Variants in MEIS2 observed in about 807,000 individuals in gnomAD.
MEIS2 encodes the protein Meis homeobox 2, also known as homeobox protein Meis2.
A neutral mutation model predicts 58.6 loss-of-function variants in MEIS2; 9 were observed. The observed-to-expected ratio is 0.15, with a 90% CI of 0.09 to 0.27. The LOEUF (loss-of-function observed/expected upper bound fraction) is 0.27, where lower values mean the gene tolerates loss of function less well. Ranked by LOEUF, MEIS2 falls within the 10% of genes least tolerant of loss-of-function variation. The pLI is 1.00. For synonymous variants in MEIS2, 221 were observed against 228.4 expected, an observed-to-expected ratio of 0.97 and a Z score of 0.29; for missense variants, 427 against 635.0, an observed-to-expected ratio of 0.67 and a Z score of 3.52.
chr15:36,991,352 A>G (rs974252395), intron 8 of MEIS2, among the ~76,000 whole-genome samples: 1 of 151,886 alleles, frequency 6.6e-6, no homozygotes, highest in African/African-American at 2.4e-5. Flanking sequence ...TTCTTTTATC[A>G]TGGGACAGAA....
At chr15:36,893,447 A>C (rs545138403) in intron 11 of MEIS2, among the ~76,000 whole-genome samples, 88 of 152,322 alleles carry the variant, frequency 5.8e-4, no homozygotes, top group African/African-American at 2.0e-3. Flanking sequence ...AAAACCATCT[A>C]AAGACAATAA....
chr15:37,025,120 T>C lies in MEIS2; in HGVS notation c.900+11694A>G, dbSNP rs1461865518. 4.6e-5 allele frequency among the ~76,000 whole-genome samples: 7 copies of C among 152,348 alleles called. No homozygotes were observed. In the South Asian group the frequency reaches 1.2e-3, roughly 27 times the overall value. On this transcript the variant is annotated intron_variant, in intron 8 of 11. Transcript: ENST00000561208. ...AGGGCAAAAGAAACAAGTGCAATAC[T>C]TGTCTTTGAAGAGTGTGTCACTCAC...
At chr15:36,952,500 TC>T (rs1349110902) in intron 8 of MEIS2, among the ~76,000 whole-genome samples, 3 of 152,134 alleles carry the variant, frequency 2.0e-5, no homozygotes, top group Admixed American at 6.6e-5. Context: ...GTGTTTTTGA[TC>T]TTTTTTGTGT....
At chr15:36,941,509 T>C (rs1354048804) in intron 9 of MEIS2, among the ~76,000 whole-genome samples, 1 of 152,218 alleles carries the variant, frequency 6.6e-6, no homozygotes. Context: ...TCTTCTCTTT[T>C]GGAAGAGCGT....
intron 7 of MEIS2, among the ~76,000 whole-genome samples, chr15:37,047,099 G>C (rs1162677564): frequency 6.6e-6 from 1 of 152,102 alleles, no homozygotes; most frequent in Non-Finnish European, 1.5e-5. Context: ...TACAGAGTAT[G>C]TTCTGAAGTT....
In MEIS2 at chr15:36,889,305, G is replaced by A. The variant is rs185174147; in HGVS notation, c.*2868C>T. 3.9e-5 allele frequency: 6 copies of A among 152,174 alleles called. No homozygotes were observed. Among genetic ancestry groups the A allele is most frequent in the Admixed American group, 6.5e-5 (1 of 15,298 alleles). 9.4% of individuals were successfully genotyped at this position (152,174 alleles called of 1,614,324 possible). A position where few individuals can be genotyped will look rare whatever the true frequency, so the allele number is the denominator to read the frequency against. ...CAGTTTCTTTGCTTTTGACAGCTGA[G>A]TCTTTCTTAAATATACCCAAATCGG... On this transcript the variant is annotated 3_prime_UTR_variant, in exon 12 of 12. Transcript: ENST00000561208.
chr15:37,095,786 G>A (rs903522094), intron 3 of MEIS2, 172 bp from the exon 4 acceptor site: 2 of 905,964 alleles, frequency 2.2e-6, no homozygotes, highest in Non-Finnish European at 3.3e-6. Context: ...GAAGAATCAG[G>A]GCATTCTGGT....
intron 8 of MEIS2, among the ~76,000 whole-genome samples, chr15:36,982,722 C>A (rs1006072364): frequency 7.2e-5 from 11 of 152,028 alleles, no homozygotes; most frequent in Admixed American, 3.3e-4. Context: ...TTCTGAGGAA[C>A]CTTCATACTA....
chr15:36,940,238 C>A (rs1042956197), intron 9 of MEIS2, among the ~76,000 whole-genome samples: 14 of 152,054 alleles, frequency 9.2e-5, no homozygotes, highest in African/African-American at 3.4e-4. Flanking sequence ...AATAGTCTTG[C>A]GGGAGGCAAG....
intron 5 of MEIS2, 176 bp from the exon 6 acceptor site, chr15:37,093,906 T>C (rs1035116849): frequency 7.0e-6 from 5 of 713,692 alleles, no homozygotes; most frequent in Non-Finnish European, 1.2e-5. Context: ...AAGGAAACAA[T>C]AGAGTAATTG....
intron 8 of MEIS2, among the ~76,000 whole-genome samples, chr15:37,035,605 C>A (rs2062118381): frequency 6.6e-6 from 1 of 152,178 alleles, no homozygotes; most frequent in African/African-American, 2.4e-5. Context: ...GCAAGAATAA[C>A]CACTACCACA....
chr15:36,906,636 A>G (rs893186258), intron 9 of MEIS2, among the ~76,000 whole-genome samples: 1 of 136,824 alleles, frequency 7.3e-6, no homozygotes, highest in Non-Finnish European at 1.6e-5. Context: ...CTGACAAAGT[A>G]TGTCAGCCAC....
intron 9 of MEIS2, among the ~76,000 whole-genome samples, chr15:36,921,723 G>GA (rs35471860): frequency 0.53 from 77,457 of 145,382 alleles, 22,505 homozygotes; most frequent in Non-Finnish European, 0.66. Flanking sequence ...TGGCATTGTT[G>GA]AAAAAAAAAA....
At chr15:36,951,288 T>C (rs1451598456) in intron 8 of MEIS2, among the ~76,000 whole-genome samples, 1 of 152,142 alleles carries the variant, frequency 6.6e-6, no homozygotes, top group East Asian at 1.9e-4. Context: ...TATACATAAT[T>C]ATGAAATATG....
intron 8 of MEIS2, among the ~76,000 whole-genome samples, chr15:36,964,572 C>G (rs1287266121): frequency 6.6e-6 from 1 of 152,026 alleles, no homozygotes. Context: ...GGATTTTTTT[C>G]ATGAGAAATT....
chr15:37,093,764 ATGTTGT>A (rs747335436), intron 5 of MEIS2, 34 bp from the exon 6 acceptor site: 1 of 1,594,794 alleles, frequency 6.3e-7, no homozygotes, highest in South Asian at 1.1e-5. Context: ...GGTTTAGCTC[ATGTTGT>A]TGTTGTTGTT....
chr15:37,039,122 G>T (rs557415819), intron 7 of MEIS2, among the ~76,000 whole-genome samples: 1 of 152,106 alleles, frequency 6.6e-6, no homozygotes, highest in Non-Finnish European at 1.5e-5. Flanking sequence ...AGCAGTACCC[G>T]GAGATGAGGA....
intron 7 of MEIS2, among the ~76,000 whole-genome samples, chr15:37,068,809 C>G (rs980473135): frequency 2.0e-5 from 3 of 152,104 alleles, no homozygotes; most frequent in Non-Finnish European, 4.4e-5. Context: ...ATTACTGTCT[C>G]TAGGGTAGAG....
intron 9 of MEIS2, among the ~76,000 whole-genome samples, chr15:36,918,263 G>A (rs1359842442): frequency 6.6e-6 from 1 of 152,196 alleles, no homozygotes; most frequent in East Asian, 1.9e-4. Flanking sequence ...TGAAGACTAT[G>A]CGATTTGGAA....
Sources: gnomAD v4.1 joint callset for allele counts (sites outside exome capture counted in the v4.1 genomes callset) on GRCh38, gnomAD v4.1.1 for gene constraint, MANE v1.5 for transcripts, NCBI Gene and HGNC (gene_info 2026-07-23, HGNC 2026-07-21) for gene names.